DLG5: variants seen among roughly 807,000 people sequenced by gnomAD.
DLG5 encodes the protein disks large homolog 5.
Under a neutral mutation model 189.8 loss-of-function variants are expected in DLG5, and 48 were observed. The ratio of observed to expected loss-of-function variants is 0.25; its 90% CI spans 0.20 to 0.32. The LOEUF is 0.32. Among genes scored for constraint, DLG5 ranks in the 10% least tolerant of loss-of-function variants. The probability of loss-of-function intolerance (pLI) is 1.00; values close to 1 mark genes in which losing one functional copy is unlikely to be tolerated. For missense variants in DLG5, 2,160 were observed against 2,544.7 expected (o/e 0.85, Z 3.25); for synonymous variants, 1,016 against 1,054.1 (o/e 0.96, Z 0.70).
intron 20 of DLG5, chr10:77,816,155 G>A (rs995495696): frequency 1.6e-5 from 8 of 494,070 alleles, no homozygotes; most frequent in Admixed American, 6.9e-5. Context: ...TCACTCCAAC[G>A]TCTGGATCCA....
intron 1 of DLG5, among the ~76,000 whole-genome samples, chr10:77,915,290 G>C (rs1444226827): frequency 6.6e-6 from 1 of 150,750 alleles, no homozygotes; most frequent in South Asian, 2.1e-4. Context: ...TTGCACCACT[G>C]CACTCCAGCC....
At chr10:77,832,345 G>A (rs1842926666) in intron 9 of DLG5, among the ~76,000 whole-genome samples, 1 of 152,208 alleles carries the variant, frequency 6.6e-6, no homozygotes, top group Non-Finnish European at 1.5e-5. Flanking sequence ...CTGGGCCCAG[G>A]CTGCCTTGCC....
rs189642114 is a variant in DLG5 at position 77,842,367 on chromosome 10, G to A, written c.1125-174C>T. Among the ~76,000 whole-genome samples the A allele has an allele frequency of 1.2e-3, 182 of 152,270 alleles. 2 individuals carry two copies. The highest frequency in any genetic ancestry group is 4.3e-3 in the African/African-American group (179 of 41,546). On this transcript the variant is annotated intron_variant, in intron 6 of 31. Coordinates refer to ENST00000372391, the MANE Select transcript of DLG5 (RefSeq NM_004747.4). Reference sequence around the variant, plus strand: ...AAAGTCATGGAGTACCAGTGCCCCCGGACCTGGAATTTTTCTCAGCCCTTT... The same window carrying A: ...AAAGTCATGGAGTACCAGTGCCCCCAGACCTGGAATTTTTCTCAGCCCTTT...
At position 77,835,908 on chromosome 10, in the gene DLG5, C is replaced by T. The variant is rs1843106944; in HGVS notation, c.1452G>A (p.Val484=). The T allele has an allele frequency of 6.2e-7, 1 of 1,612,928 alleles. No individual in the cohort carries two copies. The highest frequency in any genetic ancestry group is 8.5e-7 in the Non-Finnish European group (1 of 1,179,120). Reference sequence around the variant, plus strand: ...TGTTGGCTCTCCCAGCATCCATTGTCACCGTGTCTTTGATCTGGTGGGAGC... The same window carrying T: ...TGTTGGCTCTCCCAGCATCCATTGTTACCGTGTCTTTGATCTGGTGGGAGC... The part of the protein sequence containing the change: ...MEALRQIKDT[V]TMDAGRANKE... The change falls in exon 8 of 32, where the codon GTG becomes GTA. Residue 484 remains valine, a synonymous_variant. Transcript: ENST00000372391.
intron 1 of DLG5, among the ~76,000 whole-genome samples, chr10:77,919,562 G>A (rs1212096896): frequency 7.3e-6 from 1 of 136,382 alleles, no homozygotes; most frequent in Non-Finnish European, 1.5e-5. Context: ...TTTGCAGTTA[G>A]GAACAGATCT....
At chr10:77,794,614 G>A (rs1013462491) in intron 30 of DLG5, among the ~76,000 whole-genome samples, 1 of 152,236 alleles carries the variant, frequency 6.6e-6, no homozygotes, top group Non-Finnish European at 1.5e-5. Context: ...AACAGTGGCA[G>A]CACCCAAATG....
chr10:77,835,502 C>T (rs1358908520), intron 8 of DLG5, among the ~76,000 whole-genome samples: 1 of 152,162 alleles, frequency 6.6e-6, no homozygotes, highest in Non-Finnish European at 1.5e-5. Context: ...CTCACGTGGA[C>T]ATAGTACACA....
chr10:77,819,385 T>C lies in DLG5; in HGVS notation c.3607A>G (p.Arg1203Gly). ...RNPIYTVRSH[R>G]VGPCSSPPAA... The stretch of plus-strand genomic sequence containing the variant: ...GGTGGAGAGCTGCAGGGGCCGACCC[T>C]GTGACTGCGCACAGTGTAGATGGGG... Residue 1203 changes from arginine (R) to glycine (G), a missense_variant, in exon 17 of 32, where the codon AGG becomes GGG. Arg to Gly is a moderately radical substitution (Grantham distance 125). Coordinates refer to ENST00000372391, the MANE Select transcript of DLG5 (RefSeq NM_004747.4). 3.7e-6 allele frequency: 6 copies of C among 1,614,118 alleles called. No homozygotes were observed. The highest frequency in any genetic ancestry group is 3.4e-6 in the Non-Finnish European group (4 of 1,180,024).
At chr10:77,807,650 G>T in intron 25 of DLG5, 146 bp downstream of exon 25, 1 of 933,902 alleles carries the variant, frequency 1.1e-6, no homozygotes, top group Non-Finnish European at 1.6e-6. Context: ...ACATAAATAA[G>T]CGTGCAGATT....
chr10:77,838,322 A>G (rs1208312130), intron 7 of DLG5, among the ~76,000 whole-genome samples: 1 of 152,150 alleles, frequency 6.6e-6, no homozygotes, highest in Non-Finnish European at 1.5e-5. Context: ...TACAGCTTCC[A>G]GTGGTGCCGA....
Position 77,819,911 on chromosome 10 carries a change from AGGGTATAGC to A in DLG5, c.3501_3509del (p.Leu1168_Pro1170del). 1 of 1,587,274 alleles carries A rather than the reference AGGGTATAGC, an allele frequency of 6.3e-7. No individual in the cohort carries two copies. Among genetic ancestry groups the A allele is most frequent in the South Asian group, 1.2e-5 (1 of 86,548 alleles). Reference sequence around the variant, plus strand: ...CTGACTCACCCACAGACGGCCTGCTAGGGTATAGCGGGGGGTTGCTGTGCCGGCTGGAAT... The same window carrying A: ...CTGACTCACCCACAGACGGCCTGCTAGGGGGGTTGCTGTGCCGGCTGGAAT... On this transcript the variant is annotated inframe_deletion, in exon 16 of 32. Coordinates refer to ENST00000372391, the MANE Select transcript of DLG5 (RefSeq NM_004747.4).
chr10:77,842,256 C>T (rs1361157040), intron 6 of DLG5, 63 bp from the exon 7 acceptor site: 2 of 1,548,346 alleles, frequency 1.3e-6, no homozygotes, highest in Non-Finnish European at 1.7e-6. Context: ...TGGCCGGCTG[C>T]GCTGCTGCCT....
At chr10:77,913,659 G>A (rs922528048) in intron 1 of DLG5, among the ~76,000 whole-genome samples, 9 of 152,130 alleles carry the variant, frequency 5.9e-5, no homozygotes, top group Non-Finnish European at 1.3e-4. Flanking sequence ...TACACTCAGA[G>A]CTCACTGCAA....
chr10:77,935,635 A>C, the DLG5 span, among the ~76,000 whole-genome samples: 1 of 152,236 alleles, frequency 6.6e-6, no homozygotes, highest in Non-Finnish European at 1.5e-5. Flanking sequence ...GCATGTGTAC[A>C]TGTGTCTGTG....
the DLG5 span, among the ~76,000 whole-genome samples, chr10:77,938,562 T>C: frequency 1.3e-5 from 2 of 152,218 alleles, no homozygotes; most frequent in Non-Finnish European, 1.5e-5. Flanking sequence ...CATTTTTCAG[T>C]CTAGACCAGG....
rs547090464 is a variant in DLG5 at position 77,818,016 on chromosome 10, T to G, written c.3672-127A>C. On this transcript the variant is annotated intron_variant, in intron 17 of 31. Coordinates refer to ENST00000372391, the MANE Select transcript of DLG5 (RefSeq NM_004747.4). ...GAAGGGAGGCCCAGGAGCCACTGATTATCAGCCGAGGATAGCAGGCTGCCC... is the reference window on the plus strand; with the variant it reads ...GAAGGGAGGCCCAGGAGCCACTGATGATCAGCCGAGGATAGCAGGCTGCCC... The G allele has an allele frequency of 7.4e-4, 551 of 747,828 alleles. 3 individuals are homozygous for G. In the Middle Eastern group the frequency reaches 7.9e-3, roughly 11 times the overall value. 46.3% of individuals were successfully genotyped at this position (747,828 alleles called of 1,614,324 possible). A position where few individuals can be genotyped will look rare whatever the true frequency, so the allele number is the denominator to read the frequency against.
intron 20 of DLG5, among the ~76,000 whole-genome samples, chr10:77,814,459 GTTTATATATATATA>G (rs1841937826): frequency 1.3e-5 from 1 of 74,704 alleles, no homozygotes; most frequent in Non-Finnish European, 2.6e-5. Flanking sequence ...AATAAAGCAT[GTTTATATATATATA>G]TATATATATA....
intron 24 of DLG5, 130 bp from the exon 25 acceptor site, chr10:77,808,074 C>T (rs1441789165): frequency 2.6e-5 from 30 of 1,136,124 alleles, no homozygotes; most frequent in Non-Finnish European, 3.6e-5. Flanking sequence ...TGGCTACCTC[C>T]CCTCTGCAGG....
At chr10:77,863,260 T>C (rs887607642) in intron 2 of DLG5, among the ~76,000 whole-genome samples, 1 of 151,780 alleles carries the variant, frequency 6.6e-6, no homozygotes. Context: ...CCTGGCTAAT[T>C]ATTATTATTT....
Sources: allele counts gnomAD v4.1 joint callset (sites outside exome capture counted in the v4.1 genomes callset), GRCh38; gene constraint gnomAD v4.1.1; transcripts MANE v1.5; gene names NCBI Gene and HGNC (gene_info 2026-07-23, HGNC 2026-07-21).